FOXP2: variants seen among roughly 807,000 people sequenced by gnomAD.
FOXP2 encodes the protein forkhead box P2.
A neutral mutation model predicts 115.8 loss-of-function variants in FOXP2; 12 were observed. The ratio of observed to expected loss-of-function variants is 0.10; its 90% CI spans 0.07 to 0.17. The LOEUF is 0.17. FOXP2 is among the 10% of genes least tolerant of loss of function. The pLI, the probability that FOXP2 is intolerant of heterozygous loss-of-function variation, is 1.00. For missense variants in FOXP2, 629 were observed against 843.5 expected, an observed-to-expected ratio of 0.75 and a Z score of 3.15; for synonymous variants, 328 against 297.7, an observed-to-expected ratio of 1.10 and a Z score of -1.05.
chr7:114,678,330 GC>G (rs1303469897), intron 16 of FOXP2, among the ~76,000 whole-genome samples: 4 of 152,102 alleles, frequency 2.6e-5, no homozygotes, highest in African/African-American at 9.7e-5. Context: ...CAGGCAGCCT[GC>G]CTGGATGGGG....
At chr7:114,315,530 T>C (rs1797255424) in intron 2 of FOXP2, among the ~76,000 whole-genome samples, 1 of 152,146 alleles carries the variant, frequency 6.6e-6, no homozygotes, top group Non-Finnish European at 1.5e-5. Flanking sequence ...TAGAGTGTTC[T>C]AGTCACCCAT....
Position 114,526,454 on chromosome 7 carries a change from C to T in FOXP2, c.169-8163C>T, listed in dbSNP as rs1405248742. On this transcript the variant is annotated intron_variant, in intron 2 of 16. Coordinates refer to ENST00000350908, the MANE Select transcript of FOXP2 (RefSeq NM_014491.4). ...ATGCGCCATTGCACTCCAGTCTGGG[C>T]GACAGGGTGAGACTCTGTCTCAAAA... Among the ~76,000 whole-genome samples the T allele has an allele frequency of 3.4e-5, 5 of 146,032 alleles. No individual in the cohort carries two copies. The East Asian group carries it at 8.0e-4, about 23-fold the overall frequency.
chr7:114,544,153 C>A (rs932218137), intron 3 of FOXP2, among the ~76,000 whole-genome samples: 10 of 152,084 alleles, frequency 6.6e-5, no homozygotes, highest in Non-Finnish European at 1.5e-4. Flanking sequence ...CAGCACCCAG[C>A]CTCTAGCATG....
intron 3 of FOXP2, among the ~76,000 whole-genome samples, chr7:114,591,879 C>A (rs1408862809): frequency 6.6e-6 from 1 of 151,936 alleles, no homozygotes; most frequent in Non-Finnish European, 1.5e-5. Flanking sequence ...TGGTGTCCAA[C>A]AGAGGAACCA....
chr7:114,215,497 A>G (rs916997569), intron 1 of FOXP2, among the ~76,000 whole-genome samples: 1 of 152,212 alleles, frequency 6.6e-6, no homozygotes, highest in Non-Finnish European at 1.5e-5. Flanking sequence ...TCTGAAGATT[A>G]TGTAAGCCTA....
At chr7:114,384,712 G>C (rs930239742) in intron 2 of FOXP2, among the ~76,000 whole-genome samples, 10 of 152,092 alleles carry the variant, frequency 6.6e-5, no homozygotes, top group Admixed American at 4.6e-4. Context: ...CATACTTTAA[G>C]ATTATTGAGT....
chr7:114,166,347 A>G (rs1775382266), intron 1 of FOXP2, among the ~76,000 whole-genome samples: 3 of 152,228 alleles, frequency 2.0e-5, no homozygotes, highest in Admixed American at 2.0e-4. Context: ...AAATATTTGT[A>G]AAATAGGTAT....
intron 5 of FOXP2, 110 bp from the exon 6 acceptor site, chr7:114,631,418 G>T: frequency 6.5e-7 from 1 of 1,530,562 alleles, no homozygotes; most frequent in South Asian, 1.2e-5. Flanking sequence ...ACTATGGGAT[G>T]ACCAAAAAAC....
At chr7:114,247,081 A>T (rs769899826) in intron 1 of FOXP2, among the ~76,000 whole-genome samples, 2 of 152,064 alleles carry the variant, frequency 1.3e-5, no homozygotes, top group Non-Finnish European at 2.9e-5. Context: ...ATTCTTTATC[A>T]CTGTGTTTTA....
At chr7:114,380,964 A>G (rs1164633570) in intron 2 of FOXP2, among the ~76,000 whole-genome samples, 2 of 152,180 alleles carry the variant, frequency 1.3e-5, no homozygotes, top group Non-Finnish European at 2.9e-5. Flanking sequence ...GTCTTGCCCC[A>G]TTGGCAAGCT....
At chr7:114,528,498 A>G (rs1034853446) in intron 2 of FOXP2, among the ~76,000 whole-genome samples, 1 of 152,026 alleles carries the variant, frequency 6.6e-6, no homozygotes, top group Non-Finnish European at 1.5e-5. Context: ...GGTATATGGG[A>G]TATAGTCACA....
intron 2 of FOXP2, among the ~76,000 whole-genome samples, chr7:114,451,210 G>C (rs1236287638): frequency 3.3e-5 from 5 of 152,006 alleles, no homozygotes; most frequent in South Asian, 2.1e-4. Flanking sequence ...TGTGCTGTCA[G>C]GGAAATAACA....
intron 2 of FOXP2, among the ~76,000 whole-genome samples, chr7:114,343,728 A>G (rs990240949): frequency 2.0e-5 from 3 of 151,586 alleles, no homozygotes; most frequent in African/African-American, 4.8e-5. Context: ...AGATAGCTGC[A>G]TGGCTAATTC....
rs1808603009 is a variant in FOXP2, at chr7:114,690,363, T to C, written c.*437T>C. The C allele has an allele frequency of 1.1e-5, 5 of 454,098 alleles. No individual in the cohort carries two copies. Among genetic ancestry groups the C allele is most frequent in the South Asian group, 7.8e-5 (5 of 64,478 alleles). 28.1% of individuals were successfully genotyped at this position (454,098 alleles called of 1,614,324 possible). On this transcript the variant is annotated 3_prime_UTR_variant, in exon 17 of 17. Transcript: ENST00000350908. ...TTCCAGCATTCAGTAGTTGTAATGT[T>C]AGAAACAATTGCTGGTCAAGTTCAA...
intron 2 of FOXP2, among the ~76,000 whole-genome samples, chr7:114,386,623 C>CA (rs1792461024): frequency 6.6e-6 from 1 of 152,130 alleles, no homozygotes; most frequent in Non-Finnish European, 1.5e-5. Context: ...GAAGGTGTCA[C>CA]ACTGAACCAG....
chr7:114,673,129 A>G (rs552148582), intron 16 of FOXP2, among the ~76,000 whole-genome samples: 5 of 152,358 alleles, frequency 3.3e-5, no homozygotes, highest in Admixed American at 1.3e-4. Context: ...GATTCAAAGG[A>G]GAATTGGAGC....
chr7:114,562,362 G>C (rs1177918307), intron 3 of FOXP2, among the ~76,000 whole-genome samples: 1 of 152,078 alleles, frequency 6.6e-6, no homozygotes, highest in Non-Finnish European at 1.5e-5. Context: ...CCCTGCATCA[G>C]TTTCTAGCCT....
At chr7:114,594,008 A>G (rs1184515743) in intron 3 of FOXP2, among the ~76,000 whole-genome samples, 1 of 152,028 alleles carries the variant, frequency 6.6e-6, no homozygotes, top group Non-Finnish European at 1.5e-5. Context: ...GTGAAGTTAC[A>G]AGGACCTATT....
chr7:114,594,544 A>G (rs1480297012), intron 3 of FOXP2, among the ~76,000 whole-genome samples: 1 of 152,080 alleles, frequency 6.6e-6, no homozygotes, highest in East Asian at 1.9e-4. Context: ...AGATATGTAC[A>G]TAAGCTAAAT....
Sources: gnomAD v4.1 joint callset for allele counts (sites outside exome capture counted in the v4.1 genomes callset) on GRCh38, gnomAD v4.1.1 for gene constraint, MANE v1.5 for transcripts, NCBI Gene and HGNC (gene_info 2026-07-23, HGNC 2026-07-21) for gene names.